FCHSD2: variants seen among roughly 807,000 people sequenced by gnomAD.
The protein encoded by FCHSD2 is F-BAR and double SH3 domains protein 2.
Under a neutral mutation model 108.1 loss-of-function variants are expected in FCHSD2, and 38 were observed. The ratio of observed to expected loss-of-function variants is 0.35; its 90% CI spans 0.27 to 0.46. The LOEUF is 0.46. Ranked by LOEUF, FCHSD2 falls within the 20% of genes least tolerant of loss-of-function variation. The pLI, the probability that FCHSD2 is intolerant of heterozygous loss-of-function variation, is 1.00. For missense variants in FCHSD2, 751 were observed against 897.8 expected (o/e 0.84, Z 2.09); for synonymous variants, 279 against 314.7 (o/e 0.89, Z 1.20).
At chr11:73,090,705 C>CA (rs1859936276) in intron 2 of FCHSD2, among the ~76,000 whole-genome samples, 1 of 152,196 alleles carries the variant, frequency 6.6e-6, no homozygotes, top group Admixed American at 6.5e-5. Flanking sequence ...CCTTTTACTA[C>CA]ATTCCTGTTT....
chr11:73,125,059 T>C (rs1001907486), intron 2 of FCHSD2, among the ~76,000 whole-genome samples: 1 of 151,860 alleles, frequency 6.6e-6, no homozygotes, highest in Non-Finnish European at 1.5e-5. Flanking sequence ...AAAGTGAGGG[T>C]GAAATAAAGA....
chr11:73,089,973 G>GTAA (rs1859914715), intron 2 of FCHSD2, among the ~76,000 whole-genome samples: 1 of 151,314 alleles, frequency 6.6e-6, no homozygotes, highest in Non-Finnish European at 1.5e-5. Flanking sequence ...AAATAGCTTG[G>GTAA]TAATGGAACA....
intron 8 of FCHSD2, among the ~76,000 whole-genome samples, chr11:72,935,729 C>T (rs1472371311): frequency 1.3e-5 from 2 of 152,106 alleles, no homozygotes; most frequent in Non-Finnish European, 2.9e-5. Flanking sequence ...AAATCAGAAA[C>T]ATATCATCTA....
chr11:72,890,881 T>C (rs1614447), intron 10 of FCHSD2, among the ~76,000 whole-genome samples: 1 of 152,166 alleles, frequency 6.6e-6, no homozygotes, highest in African/African-American at 2.4e-5. Context: ...CAAACTTTAT[T>C]GAGATAATTA....
chr11:72,869,568 T>C (rs1057475646), intron 12 of FCHSD2: 11 of 152,014 alleles, frequency 7.2e-5, no homozygotes, highest in Non-Finnish European at 1.0e-4. Context: ...CTTCACGAAT[T>C]TGTGTGTCAT....
chr11:72,927,334 C>T (rs561053497), intron 8 of FCHSD2, among the ~76,000 whole-genome samples: 5 of 152,264 alleles, frequency 3.3e-5, no homozygotes, highest in African/African-American at 1.2e-4. Context: ...ATACATTTGT[C>T]TAAACTGAGA....
At chr11:72,868,668 G>A (rs903210033) in intron 12 of FCHSD2, among the ~76,000 whole-genome samples, 3 of 151,794 alleles carry the variant, frequency 2.0e-5, no homozygotes, top group Non-Finnish European at 4.4e-5. Context: ...TCCCGCCTGG[G>A]TGACAGAGCA....
chr11:72,873,264 G>C (rs915641386), intron 12 of FCHSD2, among the ~76,000 whole-genome samples: 1 of 151,878 alleles, frequency 6.6e-6, no homozygotes, highest in Non-Finnish European at 1.5e-5. Flanking sequence ...GGGAGGTGGA[G>C]GCTGCAGTGA....
chr11:72,983,172 T>A (rs954797028), intron 8 of FCHSD2, among the ~76,000 whole-genome samples: 14 of 151,030 alleles, frequency 9.3e-5, no homozygotes, highest in African/African-American at 3.4e-4. Flanking sequence ...CGGGCGCCTG[T>A]AGTCCCAGCT....
At chr11:73,082,031 C>T (rs1271048427) in intron 3 of FCHSD2, among the ~76,000 whole-genome samples, 6 of 151,280 alleles carry the variant, frequency 4.0e-5, no homozygotes, top group Admixed American at 6.6e-5. Context: ...GGCAAAATCC[C>T]GTCTCTACTA....
intron 3 of FCHSD2, among the ~76,000 whole-genome samples, chr11:73,027,695 T>C (rs1462718872): frequency 6.6e-6 from 1 of 152,238 alleles, no homozygotes; most frequent in Non-Finnish European, 1.5e-5. Flanking sequence ...TCAGAGATGT[T>C]CGCTGCACTC....
intron 12 of FCHSD2, among the ~76,000 whole-genome samples, chr11:72,879,110 C>CA (rs1855028126): frequency 6.6e-6 from 1 of 151,002 alleles, no homozygotes; most frequent in Non-Finnish European, 1.5e-5. Context: ...GACTTTGTCT[C>CA]AAAAACAAAA....
intron 3 of FCHSD2, among the ~76,000 whole-genome samples, chr11:73,037,248 G>C (rs536351777): frequency 6.6e-6 from 1 of 152,214 alleles, no homozygotes; most frequent in African/African-American, 2.4e-5. Context: ...CACCACAGTG[G>C]TACATTTACA....
intron 8 of FCHSD2, among the ~76,000 whole-genome samples, chr11:72,957,598 G>A (rs1161361608): frequency 6.6e-6 from 1 of 151,212 alleles, no homozygotes; most frequent in Non-Finnish European, 1.5e-5. Context: ...AAATAAAAAA[G>A]ATATTTTTGG....
At chr11:72,930,198 C>A (rs1032584206) in intron 8 of FCHSD2, among the ~76,000 whole-genome samples, 1 of 152,092 alleles carries the variant, frequency 6.6e-6, no homozygotes, top group African/African-American at 2.4e-5. Context: ...TCTGCAAGCC[C>A]GCTGCTGAAA....
At chr11:72,881,872 T>C (rs1329603484) in intron 12 of FCHSD2, among the ~76,000 whole-genome samples, 2 of 152,202 alleles carry the variant, frequency 1.3e-5, no homozygotes, top group East Asian at 3.8e-4. Flanking sequence ...CCGGGTGCGG[T>C]GGCTCACGCC....
rs1239858996 is a variant in FCHSD2, at chr11:73,092,034, C to CA, written c.120-8295dup. Among the ~76,000 whole-genome samples the CA allele has an allele frequency of 7.7e-4, 116 of 150,062 alleles. 2 individuals are homozygous for CA. Among genetic ancestry groups the CA allele is most frequent in the Middle Eastern group, 3.4e-3 (1 of 290 alleles). The stretch of plus-strand genomic sequence containing the variant: ...TGGGCGACAGAATGAGACTCACTCT[C>CA]AAAAAAAAACAAAACCTAGCTGAAA... On this transcript the variant is annotated intron_variant, in intron 2 of 19. Transcript: ENST00000409418.
chr11:73,142,112 C>T lies in FCHSD2; in HGVS notation c.-235G>A, dbSNP rs1244258764. ...CCGGGAAGGCTTGGGGCCCGGGCGG[C>T]CCGGGCGGCCCGGGGGTGTGTGAGG... On this transcript the variant is annotated 5_prime_UTR_variant, in exon 1 of 20. Coordinates refer to ENST00000409418, the MANE Select transcript of FCHSD2 (RefSeq NM_014824.3). 6 of 423,242 alleles carry T rather than the reference C, an allele frequency of 1.4e-5. No individual in the cohort carries two copies. The highest frequency in any genetic ancestry group is 1.4e-4 in the Admixed American group (3 of 22,138). The allele number at this position is 423,242 out of a possible 1,614,324, so 26.2% of individuals were successfully genotyped here.
intron 8 of FCHSD2, among the ~76,000 whole-genome samples, chr11:72,980,682 T>C (rs1425936822): frequency 6.8e-6 from 1 of 147,822 alleles, no homozygotes; most frequent in East Asian, 1.9e-4. Flanking sequence ...TGTGTATATA[T>C]ATATATATAT....
Sources: allele counts gnomAD v4.1 joint callset (sites outside exome capture counted in the v4.1 genomes callset), GRCh38; gene constraint gnomAD v4.1.1; transcripts MANE v1.5; gene names NCBI Gene and HGNC (gene_info 2026-07-23, HGNC 2026-07-21).